Variants in EPS15 observed in about 807,000 individuals in gnomAD.
EPS15 encodes epidermal growth factor receptor substrate 15.
Under a neutral mutation model 113.8 loss-of-function variants are expected in EPS15, and 72 were observed. That is an observed-to-expected ratio of 0.63 (90% CI 0.52 to 0.77). The LOEUF (loss-of-function observed/expected upper bound fraction) is 0.77. Among genes scored for constraint, EPS15 ranks in the 30% least tolerant of loss-of-function variants. The pLI is 0.00. For missense variants in EPS15, 1,048 were observed against 1,045.8 expected, an observed-to-expected ratio of 1.00 and a Z score of -0.03; for synonymous variants, 344 against 363.4, an observed-to-expected ratio of 0.95 and a Z score of 0.61.
At chr1:51,473,090 A>C in intron 2 of EPS15, 142 bp from the exon 3 acceptor site, 1 of 666,462 alleles carries the variant, frequency 1.5e-6, no homozygotes, top group Admixed American at 2.6e-5. Context: ...TGGGCCAAAG[A>C]ATATGTGGAC....
At chr1:51,460,481 C>A (rs1219378366) in intron 8 of EPS15, among the ~76,000 whole-genome samples, 2 of 152,072 alleles carry the variant, frequency 1.3e-5, no homozygotes, top group Non-Finnish European at 2.9e-5. Flanking sequence ...CAAAATTATT[C>A]CATATTAGAA....
chr1:51,440,554 A>C (rs1467013771), intron 11 of EPS15, 122 bp from the exon 12 acceptor site: 2 of 387,392 alleles, frequency 5.2e-6, no homozygotes, highest in African/African-American at 4.1e-5. Context: ...TATTACTGAG[A>C]TTTTTAATTA....
At position 51,432,027 on chromosome 1, in the gene EPS15, C is replaced by A. The variant is rs530485268; in HGVS notation, c.1040+8320G>T. Among the ~76,000 whole-genome samples the A allele has an allele frequency of 6.6e-5, 10 of 152,218 alleles. No homozygotes were observed. In the South Asian group the frequency reaches 2.1e-3, roughly 32 times the overall value. The stretch of plus-strand genomic sequence containing the variant: ...ACTAGTATAAAAATACATTTACTGG[C>A]TTTTTGAAAGCTGTAATAAAGCACC... On this transcript the variant is annotated intron_variant, in intron 12 of 24. Coordinates refer to ENST00000371733, the MANE Select transcript of EPS15 (RefSeq NM_001981.3).
At chr1:51,490,564 CAAAAAAAAAA>C (rs60149665) in intron 1 of EPS15, among the ~76,000 whole-genome samples, 3 of 76,612 alleles carry the variant, frequency 3.9e-5, no homozygotes, top group Admixed American at 1.5e-4. Flanking sequence ...GACTCCATCT[CAAAAAAAAAA>C]AAAAAAAAAA....
At chr1:51,389,270 C>T (rs1289119294) in intron 21 of EPS15, among the ~76,000 whole-genome samples, 2 of 151,938 alleles carry the variant, frequency 1.3e-5, no homozygotes, top group Non-Finnish European at 2.9e-5. Flanking sequence ...ATTCAACAAC[C>T]CTTCATGCTA....
intron 1 of EPS15, among the ~76,000 whole-genome samples, chr1:51,493,569 T>C (rs1191633020): frequency 6.8e-6 from 1 of 146,702 alleles, no homozygotes; most frequent in Non-Finnish European, 1.5e-5. Flanking sequence ...AATAAATAAA[T>C]AAATAAATAA....
At chr1:51,445,354 C>T (rs998615227) in intron 10 of EPS15, among the ~76,000 whole-genome samples, 1 of 152,128 alleles carries the variant, frequency 6.6e-6, no homozygotes, top group Non-Finnish European at 1.5e-5. Context: ...CCTAACATTC[C>T]TTACACCCAA....
At chr1:51,490,656 G>T (rs907588148) in intron 1 of EPS15, among the ~76,000 whole-genome samples, 8 of 151,828 alleles carry the variant, frequency 5.3e-5, no homozygotes, top group Non-Finnish European at 1.5e-5. Flanking sequence ...TAATCACAAG[G>T]TCAGATACTA....
At chr1:51,451,505 A>AAAAAAAGAAAG (rs763389428) in intron 8 of EPS15, among the ~76,000 whole-genome samples, 12 of 147,650 alleles carry the variant, frequency 8.1e-5, no homozygotes, top group Middle Eastern at 3.5e-3. Flanking sequence ...AAAAAAAAAA[A>AAAAAAAGAAAG]AAAGAAAGAA....
intron 12 of EPS15, among the ~76,000 whole-genome samples, chr1:51,431,905 T>C (rs12404128): frequency 0.058 from 8,797 of 152,300 alleles, 343 homozygotes; most frequent in Non-Finnish European, 0.086. Flanking sequence ...GCAGGATTAA[T>C]TTATGTTACA....
intron 8 of EPS15, 62 bp downstream of exon 8, chr1:51,461,029 G>C: frequency 9.1e-7 from 1 of 1,098,078 alleles, no homozygotes; most frequent in South Asian, 1.3e-5. Flanking sequence ...ACTAAAAGAG[G>C]AAATTTGCAC....
At chr1:51,425,730 C>T (rs1296838412) in intron 12 of EPS15, among the ~76,000 whole-genome samples, 1 of 152,138 alleles carries the variant, frequency 6.6e-6, no homozygotes, top group Non-Finnish European at 1.5e-5. Context: ...GTCACTTAAC[C>T]TTTCAGAACC....
intron 21 of EPS15, among the ~76,000 whole-genome samples, chr1:51,387,313 A>C (rs1647108914): frequency 6.6e-6 from 1 of 152,206 alleles, no homozygotes; most frequent in Non-Finnish European, 1.5e-5. Context: ...AGAGCTCCTG[A>C]AGGAAGCACT....
intron 21 of EPS15, among the ~76,000 whole-genome samples, chr1:51,375,174 TG>T (rs555078150): frequency 1.3e-3 from 197 of 151,832 alleles, no homozygotes; most frequent in African/African-American, 4.4e-3. Flanking sequence ...GCTAATTTTT[TG>T]TATTTTTAGT....
chr1:51,369,635 G>T (rs72694142), intron 21 of EPS15, among the ~76,000 whole-genome samples: 3,333 of 152,098 alleles, frequency 0.022, 32 homozygotes, highest in Middle Eastern at 0.034. Flanking sequence ...TTTATTCCTG[G>T]TATTTTTTTC....
chr1:51,482,405 C>T (rs866318376), intron 1 of EPS15, among the ~76,000 whole-genome samples: 3 of 151,808 alleles, frequency 2.0e-5, no homozygotes, highest in Admixed American at 6.6e-5. Flanking sequence ...AAGTTCTGAA[C>T]GATAAGAGGG....
chr1:51,449,920 T>C (rs924960263), intron 8 of EPS15, among the ~76,000 whole-genome samples: 2 of 151,742 alleles, frequency 1.3e-5, no homozygotes, highest in African/African-American at 4.9e-5. Context: ...GCAGGGCAGC[T>C]TGATTCCAGG....
At chr1:51,499,231 A>T (rs1454693598) in intron 1 of EPS15, among the ~76,000 whole-genome samples, 2 of 152,212 alleles carry the variant, frequency 1.3e-5, no homozygotes, top group Non-Finnish European at 2.9e-5. Flanking sequence ...AGACACATAT[A>T]AAAACAAACA....
intron 2 of EPS15, among the ~76,000 whole-genome samples, chr1:51,474,393 T>G (rs1285302075): frequency 6.6e-6 from 1 of 152,216 alleles, no homozygotes; most frequent in African/African-American, 2.4e-5. Context: ...GACATCACAC[T>G]ACTTTCAGAC....
Sources: gnomAD v4.1 joint callset for allele counts (sites outside exome capture counted in the v4.1 genomes callset) on GRCh38, gnomAD v4.1.1 for gene constraint, MANE v1.5 for transcripts, NCBI Gene and HGNC (gene_info 2026-07-23, HGNC 2026-07-21) for gene names.